GRIP1: variants seen among roughly 807,000 people sequenced by gnomAD.
GRIP1 encodes glutamate receptor interacting protein 1, also known as glutamate receptor-interacting protein 1.
A neutral mutation model predicts 129.9 loss-of-function variants in GRIP1; 45 were observed. The observed-to-expected ratio is 0.35, with a 90% confidence interval of 0.27 to 0.44. The LOEUF is 0.44. Among genes scored for constraint, GRIP1 ranks in the 20% least tolerant of loss-of-function variants. The pLI is 1.00. For missense variants in GRIP1, 1,196 were observed against 1,396.8 expected (o/e 0.86, Z 2.29); for synonymous variants, 530 against 520.8 (o/e 1.02, Z -0.24).
intron 1 of GRIP1, among the ~76,000 whole-genome samples, chr12:66,857,814 T>G (rs1306716919): frequency 1.3e-5 from 2 of 151,950 alleles, no homozygotes; most frequent in African/African-American, 4.8e-5. Flanking sequence ...AGAGATGTGA[T>G]CAGTGAGCTT....
At chr12:67,028,139 A>T (rs1281462221) in intron 1 of GRIP1, among the ~76,000 whole-genome samples, 1 of 152,160 alleles carries the variant, frequency 6.6e-6, no homozygotes, top group African/African-American at 2.4e-5. Flanking sequence ...TTCAATCTGG[A>T]TCCACTGAGG....
At chr12:66,912,987 C>A (rs1330387865) in intron 1 of GRIP1, among the ~76,000 whole-genome samples, 3 of 152,016 alleles carry the variant, frequency 2.0e-5, no homozygotes, top group Non-Finnish European at 4.4e-5. Flanking sequence ...CTTCAAATAC[C>A]AAACATGAAT....
intron 7 of GRIP1, among the ~76,000 whole-genome samples, chr12:66,489,094 G>A (rs1188011128): frequency 6.6e-6 from 1 of 152,086 alleles, no homozygotes; most frequent in Non-Finnish European, 1.5e-5. Context: ...AAATTGAAAA[G>A]GAGGGGCTCC....
At chr12:66,531,166 G>A (rs1383829939) in intron 4 of GRIP1, among the ~76,000 whole-genome samples, 1 of 150,338 alleles carries the variant, frequency 6.7e-6, no homozygotes, top group East Asian at 1.9e-4. Context: ...ACCCGCGGGG[G>A]CGGAGGTTGC....
chr12:66,698,275 A>G (rs1451068930), intron 1 of GRIP1, among the ~76,000 whole-genome samples: 1 of 152,250 alleles, frequency 6.6e-6, no homozygotes, highest in Non-Finnish European at 1.5e-5. Context: ...AAAGTAACTA[A>G]GATCACAATT....
At chr12:66,932,499 C>T (rs1406507650) in intron 1 of GRIP1, among the ~76,000 whole-genome samples, 1 of 152,000 alleles carries the variant, frequency 6.6e-6, no homozygotes, top group African/African-American at 2.4e-5. Flanking sequence ...GTTGAGGGCT[C>T]CTCTGTGCCA....
At chr12:66,558,862 C>T (rs2062422618) in intron 2 of GRIP1, among the ~76,000 whole-genome samples, 1 of 152,002 alleles carries the variant, frequency 6.6e-6, no homozygotes, top group South Asian at 2.1e-4. Flanking sequence ...CAAAACCAAA[C>T]AAAGACACAT....
At chr12:66,612,685 T>C (rs927601622) in intron 1 of GRIP1, among the ~76,000 whole-genome samples, 2 of 151,952 alleles carry the variant, frequency 1.3e-5, no homozygotes, top group South Asian at 2.1e-4. Context: ...TATCTAAATA[T>C]AGAAAAGGTA....
intron 15 of GRIP1, among the ~76,000 whole-genome samples, chr12:66,418,234 A>G (rs963977291): frequency 6.6e-6 from 1 of 152,202 alleles, no homozygotes; most frequent in African/African-American, 2.4e-5. Context: ...CTGAATATCA[A>G]CATGCAGAAG....
chr12:66,765,251 A>G (rs949491407), intron 1 of GRIP1, among the ~76,000 whole-genome samples: 1 of 152,164 alleles, frequency 6.6e-6, no homozygotes, highest in Non-Finnish European at 1.5e-5. Flanking sequence ...CCTCGGAGTC[A>G]TTTAGGGCAA....
At chr12:66,872,157 GT>G (rs2040306953) in intron 1 of GRIP1, among the ~76,000 whole-genome samples, 1 of 152,022 alleles carries the variant, frequency 6.6e-6, no homozygotes, top group Non-Finnish European at 1.5e-5. Context: ...CCTGCAGGAG[GT>G]TTTGCCAGTT....
chr12:66,420,754 T>A lies in GRIP1; in HGVS notation c.1804A>T (p.Ile602Phe). Residue 602 changes from isoleucine (I) to phenylalanine (F), a missense_variant, in exon 15 of 25, where the codon ATT becomes TTT. Coordinates refer to ENST00000359742, the MANE Select transcript of GRIP1 (RefSeq NM_001366722.1). ...SSRKPGDPLV[I>F]SDIKKGSVAH... Reference sequence around the variant, plus strand: ...ACACTCCCTTTCTTGATATCTGAAATGACGAGGGGGTCTCCTGGTTTTCTA... The same window carrying A: ...ACACTCCCTTTCTTGATATCTGAAAAGACGAGGGGGTCTCCTGGTTTTCTA... 1.3e-6 allele frequency: 2 copies of A among 1,589,604 alleles called. No individual in the cohort carries two copies. The highest frequency in any genetic ancestry group is 1.7e-6 in the Non-Finnish European group (2 of 1,157,504).
chr12:66,833,380 G>C (rs2039552658), intron 1 of GRIP1, among the ~76,000 whole-genome samples: 1 of 152,116 alleles, frequency 6.6e-6, no homozygotes, highest in Non-Finnish European at 1.5e-5. Context: ...AAATGAGAAA[G>C]TCCCCACCAT....
At chr12:66,609,883 A>G (rs1475567981) in intron 1 of GRIP1, among the ~76,000 whole-genome samples, 3 of 152,134 alleles carry the variant, frequency 2.0e-5, no homozygotes, top group Admixed American at 6.6e-5. Flanking sequence ...GGACACTTCA[A>G]TCATGAAAGT....
intron 1 of GRIP1, among the ~76,000 whole-genome samples, chr12:67,045,034 G>C (rs2043232773): frequency 6.6e-6 from 1 of 152,194 alleles, no homozygotes; most frequent in African/African-American, 2.4e-5. Flanking sequence ...ATAAATGGCA[G>C]AGCCAAGATT....
At chr12:66,707,231 T>C (rs2035560980) in intron 1 of GRIP1, among the ~76,000 whole-genome samples, 1 of 151,790 alleles carries the variant, frequency 6.6e-6, no homozygotes, top group Non-Finnish European at 1.5e-5. Context: ...CTTCCAAAAT[T>C]AGAAGCTTCA....
chr12:66,398,829 C>T (rs2056885385), intron 16 of GRIP1, among the ~76,000 whole-genome samples: 1 of 151,928 alleles, frequency 6.6e-6, no homozygotes, highest in African/African-American at 2.4e-5. Flanking sequence ...TTTTGCCCCC[C>T]TTGAGAATGC....
At chr12:66,492,433 T>C (rs2060127083) in intron 7 of GRIP1, among the ~76,000 whole-genome samples, 1 of 152,024 alleles carries the variant, frequency 6.6e-6, no homozygotes, top group Non-Finnish European at 1.5e-5. Context: ...AATTTGATGA[T>C]TATGTATGAA....
intron 1 of GRIP1, among the ~76,000 whole-genome samples, chr12:66,620,032 A>T (rs1205242636): frequency 6.6e-6 from 1 of 152,164 alleles, no homozygotes; most frequent in African/African-American, 2.4e-5. Context: ...AGTCGCTATC[A>T]TCCATATAAT....
Sources: gnomAD v4.1 joint callset for allele counts (sites outside exome capture counted in the v4.1 genomes callset) on GRCh38, gnomAD v4.1.1 for gene constraint, MANE v1.5 for transcripts, NCBI Gene and HGNC (gene_info 2026-07-23, HGNC 2026-07-21) for gene names.